Variants in CBFA2T2 observed in about 807,000 individuals in gnomAD.
The protein encoded by CBFA2T2 is protein CBFA2T2.
In CBFA2T2, 11 loss-of-function variants were observed where a neutral mutation model predicts 62.2. The ratio of observed to expected loss-of-function variants is 0.18; its 90% CI spans 0.11 to 0.29. The LOEUF (loss-of-function observed/expected upper bound fraction) is 0.29, where lower values mean the gene tolerates loss of function less well. Ranked by LOEUF, CBFA2T2 falls within the 10% of genes least tolerant of loss-of-function variation. The pLI is 1.00. For missense variants in CBFA2T2, 592 were observed against 774.1 expected (o/e 0.76, Z 2.79); for synonymous variants, 295 against 287.5 (o/e 1.03, Z -0.27).
intron 1 of CBFA2T2, among the ~76,000 whole-genome samples, chr20:33,494,573 G>T (rs1017783591): frequency 6.6e-6 from 1 of 150,584 alleles, no homozygotes; most frequent in African/African-American, 2.4e-5. Context: ...GAGCCACCGC[G>T]CCCGGCCACT....
chr20:33,585,917 A>T (rs1289388348), intron 1 of CBFA2T2, among the ~76,000 whole-genome samples: 2 of 152,228 alleles, frequency 1.3e-5, no homozygotes, highest in African/African-American at 4.8e-5. Flanking sequence ...ATTTATATTA[A>T]AACCTTAGCC....
intron 1 of CBFA2T2, among the ~76,000 whole-genome samples, chr20:33,529,785 CT>C (rs202192301): frequency 0.04 from 3,067 of 76,434 alleles, 143 homozygotes; most frequent in African/African-American, 0.13. Context: ...ATATATATTT[CT>C]TTTTTTTTTT....
At chr20:33,521,991 GTA>G (rs143007855) in intron 1 of CBFA2T2, among the ~76,000 whole-genome samples, 1 of 150,962 alleles carries the variant, frequency 6.6e-6, no homozygotes, top group African/African-American at 2.4e-5. Flanking sequence ...ATAAATAGTA[GTA>G]TATATATATA....
rs869240464 is a variant in CBFA2T2, at chr20:33,642,116, T to TTGTGTGTGTG, written c.1488+1624_1488+1633dup. On this transcript the variant is annotated intron_variant, in intron 10 of 10. Coordinates refer to ENST00000342704, the MANE Select transcript of CBFA2T2 (RefSeq NM_001032999.3). ...TCCTCCTCCTTTGTCTTTTTTTTTT[T>TTGTGTGTGTG]TGTGTGTGTGTGTGTGTGTGTGTGT... Among the ~76,000 whole-genome samples the TTGTGTGTGTG allele has an allele frequency of 3.0e-4, 18 of 59,064 alleles. 1 individual carries two copies. The highest frequency in any genetic ancestry group is 2.0e-3 in the South Asian group (3 of 1,512). 38.7% of individuals were successfully genotyped at this position (59,064 alleles called of 152,430 possible).
At chr20:33,512,058 G>A (rs2011520156) in intron 1 of CBFA2T2, among the ~76,000 whole-genome samples, 1 of 152,074 alleles carries the variant, frequency 6.6e-6, no homozygotes, top group African/African-American at 2.4e-5. Context: ...GCGCCTGTAG[G>A]CCCAGCTACG....
Position 33,614,568 on chromosome 20 carries a change from C to G in CBFA2T2, c.420+3233C>G, listed in dbSNP as rs142152949. ...ATTAAACAATAATACCCCATTCCCCCCTCTCCCTAGACCCTGGCAATTACC... is the reference window on the plus strand; with the variant it reads ...ATTAAACAATAATACCCCATTCCCCGCTCTCCCTAGACCCTGGCAATTACC... On this transcript the variant is annotated intron_variant, in intron 3 of 10. Coordinates refer to ENST00000342704, the MANE Select transcript of CBFA2T2 (RefSeq NM_001032999.3). Among the ~76,000 whole-genome samples, 809 of 152,276 alleles carry G rather than the reference C, an allele frequency of 5.3e-3. 9 individuals are homozygous for G. The highest frequency in any genetic ancestry group is 0.019 in the African/African-American group (770 of 41,544).
At chr20:33,633,343 C>G (rs1312237242) in intron 8 of CBFA2T2, among the ~76,000 whole-genome samples, 9 of 151,152 alleles carry the variant, frequency 6.0e-5, no homozygotes, top group Admixed American at 4.0e-4. Context: ...TGCACTCCAG[C>G]CTGAGCAACA....
chr20:33,555,591 T>C (rs577629507), intron 1 of CBFA2T2, among the ~76,000 whole-genome samples: 3 of 152,346 alleles, frequency 2.0e-5, no homozygotes, highest in Admixed American at 6.5e-5. Context: ...AGTGGAAATA[T>C]GCCCTTTTAT....
intron 9 of CBFA2T2, among the ~76,000 whole-genome samples, chr20:33,637,420 C>T (rs2016668690): frequency 6.6e-6 from 1 of 152,040 alleles, no homozygotes; most frequent in African/African-American, 2.4e-5. Context: ...CAGTAGTAAA[C>T]AAATAAAAGA....
chr20:33,549,828 C>G (rs2012685168), intron 1 of CBFA2T2, among the ~76,000 whole-genome samples: 1 of 150,084 alleles, frequency 6.7e-6, no homozygotes, highest in African/African-American at 2.5e-5. Flanking sequence ...CACATGTCTG[C>G]AGATGGCATT....
At chr20:33,518,607 A>T (rs1175483727) in intron 1 of CBFA2T2, among the ~76,000 whole-genome samples, 16 of 124,456 alleles carry the variant, frequency 1.3e-4, no homozygotes, top group African/African-American at 6.6e-4. Flanking sequence ...CTAAAAATAC[A>T]AAAAAAAAAA....
chr20:33,516,057 C>G lies in CBFA2T2; in HGVS notation c.34+25756C>G, dbSNP rs79245056. Among the ~76,000 whole-genome samples the G allele has an allele frequency of 3.5e-3, 532 of 150,536 alleles. 4 individuals carry two copies. The highest frequency in any genetic ancestry group is 0.012 in the African/African-American group (509 of 40,958). ...GAGGCTGAGGCAGGAGGAGGCTAAG[C>G]CCAGGAGGTTGAGGCTGGAGTGACC... On this transcript the variant is annotated intron_variant, in intron 1 of 10. Transcript: ENST00000342704.
At chr20:33,610,977 T>C (rs2015501548) in intron 2 of CBFA2T2, 117 bp from the exon 3 acceptor site, 1 of 1,304,084 alleles carries the variant, frequency 7.7e-7, no homozygotes, top group Non-Finnish European at 1.1e-6. Context: ...TGCATACCTT[T>C]ATAACATGTG....
intron 1 of CBFA2T2, among the ~76,000 whole-genome samples, chr20:33,537,376 A>T (rs562807027): frequency 6.6e-6 from 1 of 152,344 alleles, no homozygotes; most frequent in African/African-American, 2.4e-5. Flanking sequence ...AATCGCAGGC[A>T]CTCGGCAGGC....
chr20:33,585,691 A>T (rs2014332397), intron 1 of CBFA2T2, among the ~76,000 whole-genome samples: 1 of 152,236 alleles, frequency 6.6e-6, no homozygotes, highest in African/African-American at 2.4e-5. Flanking sequence ...GGTACCTTGA[A>T]ATACATTTAT....
intron 3 of CBFA2T2, among the ~76,000 whole-genome samples, chr20:33,619,184 A>G (rs1038815636): frequency 1.3e-5 from 2 of 152,132 alleles, no homozygotes; most frequent in African/African-American, 2.4e-5. Context: ...GGACCAGCCT[A>G]GACAACATAG....
At chr20:33,512,167 ACT>A (rs2011522481) in intron 1 of CBFA2T2, among the ~76,000 whole-genome samples, 1 of 151,916 alleles carries the variant, frequency 6.6e-6, no homozygotes, top group Middle Eastern at 3.4e-3. Flanking sequence ...ACAGAGCGAG[ACT>A]CTGTCTTCAA....
chr20:33,497,230 G>T (rs1396625420), intron 1 of CBFA2T2, among the ~76,000 whole-genome samples: 1 of 127,946 alleles, frequency 7.8e-6, no homozygotes, highest in Non-Finnish European at 1.6e-5. Context: ...CAGAGATCAC[G>T]CCATTGCACT....
chr20:33,634,955 A>C (rs548567383), intron 8 of CBFA2T2, among the ~76,000 whole-genome samples: 1 of 152,348 alleles, frequency 6.6e-6, no homozygotes, highest in East Asian at 1.9e-4. Flanking sequence ...CATTGTTAAT[A>C]TCTCTGGTGA....
Sources: allele counts gnomAD v4.1 joint callset (sites outside exome capture counted in the v4.1 genomes callset), GRCh38; gene constraint gnomAD v4.1.1; transcripts MANE v1.5; gene names NCBI Gene and HGNC (gene_info 2026-07-23, HGNC 2026-07-21).